SPATA13: variants seen among roughly 807,000 people sequenced by gnomAD.
SPATA13 encodes the protein spermatogenesis-associated protein 13.
SPATA13 carries 50 observed loss-of-function variants against 104.0 expected under a neutral mutation model. The observed-to-expected ratio is 0.48, with a 90% CI of 0.38 to 0.61. The LOEUF (loss-of-function observed/expected upper bound fraction) is 0.61, where lower values mean the gene tolerates loss of function less well. Among genes scored for constraint, SPATA13 ranks in the 20% least tolerant of loss-of-function variants. The pLI, the probability that SPATA13 is intolerant of heterozygous loss-of-function variation, is 0.00. For synonymous variants in SPATA13, 606 were observed against 667.5 expected, an observed-to-expected ratio of 0.91 and a Z score of 1.42; for missense variants, 1,524 against 1,690.6, an observed-to-expected ratio of 0.90 and a Z score of 1.73.
intron 1 of SPATA13, among the ~76,000 whole-genome samples, chr13:24,199,507 A>G (rs1870282221): frequency 6.6e-6 from 1 of 152,228 alleles, no homozygotes; most frequent in Non-Finnish European, 1.5e-5. Context: ...ATGTCTCAGA[A>G]TCTTTCTGCT....
intron 2 of SPATA13, among the ~76,000 whole-genome samples, chr13:24,238,650 G>A (rs1593450334): frequency 6.6e-6 from 1 of 152,190 alleles, no homozygotes; most frequent in African/African-American, 2.4e-5. Flanking sequence ...CCACAGGTAG[G>A]GGACAGGCGG....
intron 4 of SPATA13, among the ~76,000 whole-genome samples, chr13:24,255,082 C>T (rs1873717942): frequency 6.6e-6 from 1 of 152,188 alleles, no homozygotes; most frequent in African/African-American, 2.4e-5. Flanking sequence ...GCCATTAGCT[C>T]CTAACCAGGA....
At chr13:23,994,074 G>A (rs1303501192) in intron 2 of SPATA13, among the ~76,000 whole-genome samples, 2 of 149,882 alleles carry the variant, frequency 1.3e-5, no homozygotes, top group South Asian at 2.1e-4. Context: ...GTCACAGCCT[G>A]TTCTTGCCAG....
chr13:24,197,093 A>G (rs1870099661), intron 1 of SPATA13, among the ~76,000 whole-genome samples: 1 of 152,190 alleles, frequency 6.6e-6, no homozygotes, highest in African/African-American at 2.4e-5. Flanking sequence ...GATGGGTATG[A>G]TCTTACTGTT....
intron 1 of SPATA13, among the ~76,000 whole-genome samples, chr13:24,163,404 T>TA (rs774669999): frequency 6.6e-6 from 1 of 152,032 alleles, no homozygotes; most frequent in African/African-American, 2.4e-5. Flanking sequence ...ACTCTGTCTC[T>TA]AAAAAAATTA....
intron 1 of SPATA13, among the ~76,000 whole-genome samples, chr13:23,983,548 A>C (rs1875004099): frequency 2.6e-5 from 4 of 152,154 alleles, no homozygotes; most frequent in African/African-American, 9.7e-5. Context: ...ACCTGTTTCA[A>C]TTGCTTTGTT....
In SPATA13 at chr13:24,067,555, T is replaced by C. The variant is rs539672439; in HGVS notation, c.-112+49854T>C. On this transcript the variant is annotated intron_variant, in intron 3 of 14. Coordinates refer to the SPATA13 transcript ENST00000424834. ...TTCACAGTGATAGAGCTGTAATAAA[T>C]ATCAAATTTAAAATCCATTGAGATG... is the stretch of plus-strand genomic sequence containing the variant. 7.5e-4 allele frequency among the ~76,000 whole-genome samples: 114 copies of C among 152,324 alleles called. 1 individual carries two copies. Among genetic ancestry groups the C allele is most frequent in the African/African-American group, 2.7e-3 (114 of 41,552 alleles).
chr13:24,063,436 G>A (rs1878845028), intron 3 of SPATA13, among the ~76,000 whole-genome samples: 2 of 152,116 alleles, frequency 1.3e-5, no homozygotes, highest in Non-Finnish European at 2.9e-5. Flanking sequence ...TGCTTGATCT[G>A]TGTAAGCGCC....
At chr13:24,156,621 A>T (rs1225202726), upstream of SPATA13, among the ~76,000 whole-genome samples, 1 of 152,222 alleles carries the variant, frequency 6.6e-6, no homozygotes, top group Non-Finnish European at 1.5e-5. Flanking sequence ...TTAGAGAGAG[A>T]TCTGCTCTAG....
intron 3 of SPATA13, among the ~76,000 whole-genome samples, chr13:24,143,869 G>T (rs1291717046): frequency 6.6e-6 from 1 of 152,218 alleles, no homozygotes; most frequent in Non-Finnish European, 1.5e-5. Context: ...CTGGCCAGAT[G>T]ACCTTAGCCA....
At chr13:24,041,110 A>T (rs1877909629) in intron 3 of SPATA13, among the ~76,000 whole-genome samples, 1 of 152,194 alleles carries the variant, frequency 6.6e-6, no homozygotes, top group African/African-American at 2.4e-5. Context: ...ACATTGTGGG[A>T]TGGGGGTAGG....
At chr13:24,040,108 A>G (rs892445536) in intron 3 of SPATA13, among the ~76,000 whole-genome samples, 7 of 152,250 alleles carry the variant, frequency 4.6e-5, no homozygotes, top group African/African-American at 1.4e-4. Context: ...ACTAAAGGCC[A>G]TTCAGCAGAA....
chr13:24,123,432 A>C, intron 3 of SPATA13: 1 of 1,415,414 alleles, frequency 7.1e-7, no homozygotes, highest in Non-Finnish European at 1.0e-6. Flanking sequence ...ATTCTGCAAC[A>C]TGCATTCCAT....
intron 2 of SPATA13, among the ~76,000 whole-genome samples, chr13:24,234,566 CGT>C: frequency 6.6e-6 from 1 of 152,126 alleles, no homozygotes; most frequent in East Asian, 1.9e-4. Flanking sequence ...GAATGCCGTA[CGT>C]TTTGTTGGTG....
chr13:24,190,714 G>A (rs916724235), intron 1 of SPATA13, among the ~76,000 whole-genome samples: 2 of 152,054 alleles, frequency 1.3e-5, no homozygotes, highest in Non-Finnish European at 2.9e-5. Flanking sequence ...TTGTGGAGGA[G>A]CAAAGAGAGT....
At chr13:24,202,098 AT>A (rs1870443834) in intron 1 of SPATA13, among the ~76,000 whole-genome samples, 1 of 68,274 alleles carries the variant, frequency 1.5e-5, no homozygotes, top group Non-Finnish European at 3.1e-5. Flanking sequence ...AAATAAATAA[AT>A]AAATAAATAA....
chr13:23,994,376 C>A (rs902353088), intron 2 of SPATA13, among the ~76,000 whole-genome samples: 1 of 152,218 alleles, frequency 6.6e-6, no homozygotes, highest in Non-Finnish European at 1.5e-5. Flanking sequence ...TGGAATGAGA[C>A]AATCTTGCCA....
At chr13:24,219,041 A>G (rs922328064) in intron 1 of SPATA13, among the ~76,000 whole-genome samples, 3 of 149,968 alleles carry the variant, frequency 2.0e-5, no homozygotes, top group Admixed American at 6.6e-5. Context: ...TAAAGTTCAT[A>G]CACCCTAGAA....
At chr13:24,178,147 C>A (rs1868548062) in intron 1 of SPATA13, among the ~76,000 whole-genome samples, 1 of 152,160 alleles carries the variant, frequency 6.6e-6, no homozygotes. Context: ...AACCACCATA[C>A]CCGGCTTGAT....
Sources: gnomAD v4.1 joint callset for allele counts (sites outside exome capture counted in the v4.1 genomes callset) on GRCh38, gnomAD v4.1.1 for gene constraint, MANE v1.5 for transcripts, NCBI Gene and HGNC (gene_info 2026-07-23, HGNC 2026-07-21) for gene names.